The following TSPEAR variants were observed in gnomAD, a reference collection of about 807,000 sequenced individuals.
TSPEAR encodes thrombospondin-type laminin G domain and EAR repeat-containing protein.
In TSPEAR, 69 loss-of-function variants were observed where a neutral mutation model predicts 71.6. The observed-to-expected ratio is 0.96, with a 90% confidence interval of 0.79 to 1.18. The LOEUF (loss-of-function observed/expected upper bound fraction) is 1.18, where lower values mean the gene tolerates loss of function less well. Ranked by LOEUF, TSPEAR falls within the 50% of genes most tolerant of loss-of-function variation. The probability of loss-of-function intolerance (pLI) is 0.00; values close to 1 mark genes in which losing one functional copy is unlikely to be tolerated. For synonymous variants in TSPEAR, 402 were observed against 387.2 expected (o/e 1.04, Z -0.45); for missense variants, 971 against 894.9 (o/e 1.09, Z -1.09).
chr21:44,653,804 A>G (rs1055129799), intron 1 of TSPEAR, among the ~76,000 whole-genome samples: 4 of 152,212 alleles, frequency 2.6e-5, no homozygotes, highest in Non-Finnish European at 5.9e-5. Flanking sequence ...GGTTCCCATC[A>G]GGCCAAGCTC....
At chr21:44,674,877 A>T (rs1253443176) in intron 1 of TSPEAR, among the ~76,000 whole-genome samples, 1 of 137,094 alleles carries the variant, frequency 7.3e-6, no homozygotes, top group Non-Finnish European at 1.7e-5. Flanking sequence ...GATTGAATTA[A>T]AAAAAAAAAG....
chr21:44,601,693 G>T, intron 1 of TSPEAR: 1 of 1,612,152 alleles, frequency 6.2e-7, no homozygotes, highest in Non-Finnish European at 8.5e-7. Context: ...CTCCCGCCCG[G>T]CCTGCTGTGG....
chr21:44,601,220 G>A (rs1555928661), intron 1 of TSPEAR: 6 of 1,603,120 alleles, frequency 3.7e-6, no homozygotes, highest in South Asian at 1.1e-5. Context: ...CAATCAGGCT[G>A]CATCAGCTCC....
chr21:44,529,904 C>A lies in TSPEAR; in HGVS notation c.684G>T (p.Arg228Ser), dbSNP rs1555915517. 1 of 1,612,160 alleles carries A rather than the reference C, an allele frequency of 6.2e-7. No homozygotes were observed. Among genetic ancestry groups the A allele is most frequent in the South Asian group, 1.1e-5 (1 of 91,046 alleles). The change falls in exon 5 of 12, where the codon AGG becomes AGT. Residue 228 changes from arginine (R) to serine (S), a missense_variant. Physicochemically the swap from Arg to Ser is moderately radical, Grantham distance 110. Transcript: ENST00000323084. ...GCGGGGCGTTCCTGCTGGGACACAGCCTTGGGGTGGCGTCTGAGCCCGGCA... is the reference window on the plus strand; with the variant it reads ...GCGGGGCGTTCCTGCTGGGACACAGACTTGGGGTGGCGTCTGAGCCCGGCA... ...VLLPGSDATP[R>S]LCPSRNAPLA... is the part of the protein sequence containing the mutation.
Position 44,621,211 on chromosome 21 carries a change from T to C in TSPEAR, c.83-53206A>G, listed in dbSNP as rs1178394687. Among the ~76,000 whole-genome samples the C allele has an allele frequency of 3.3e-5, 5 of 152,242 alleles. No individual in the cohort carries two copies. The East Asian group carries it at 5.8e-4, about 18-fold the overall frequency. ...ATTTTTCAAGTCCTCTATTTCCTTA[T>C]TGAATAAAAATTTAGTTCTGTTATT... On this transcript the variant is annotated intron_variant, in intron 1 of 11. Transcript: ENST00000323084.
At chr21:44,573,881 C>G in intron 1 of TSPEAR, 1 of 1,609,060 alleles carries the variant, frequency 6.2e-7, no homozygotes, top group Non-Finnish European at 8.5e-7. Context: ...AGCCCCCCTG[C>G]TGCGCCCCCA....
At chr21:44,521,214 T>C (rs1251497248) in intron 9 of TSPEAR, among the ~76,000 whole-genome samples, 3 of 152,194 alleles carry the variant, frequency 2.0e-5, no homozygotes, top group African/African-American at 7.2e-5. Flanking sequence ...TGGGCTCACA[T>C]AGAGGCTGAG....
chr21:44,695,024 C>A lies in TSPEAR; in HGVS notation c.82+16409G>T, dbSNP rs1356409263. Among the ~76,000 whole-genome samples the A allele has an allele frequency of 6.6e-6, 1 of 152,236 alleles. No individual in the cohort carries two copies. Among genetic ancestry groups the A allele is most frequent in the Non-Finnish European group, 1.5e-5 (1 of 68,036 alleles). On this transcript the variant is annotated intron_variant, in intron 1 of 11. Transcript: ENST00000323084. The surrounding 1 kb of genome is among the most constrained non-coding windows in gnomAD (Gnocchi z 4.5). ...TTTGCCCCAACCCTCCAGGCCTCTG[C>A]CACAGGCTGGAGGAGCTGCTTGATG... is the stretch of plus-strand genomic sequence containing the variant.
chr21:44,579,213 C>G (rs2146097607), intron 1 of TSPEAR, among the ~76,000 whole-genome samples: 1 of 152,244 alleles, frequency 6.6e-6, no homozygotes, highest in African/African-American at 2.4e-5. Flanking sequence ...GCCTGGAGAG[C>G]CCCACAGCCC....
At chr21:44,526,858 C>A (rs2052866198) in intron 7 of TSPEAR, among the ~76,000 whole-genome samples, 1 of 152,238 alleles carries the variant, frequency 6.6e-6, no homozygotes, top group African/African-American at 2.4e-5. Context: ...CGAGGTCCCA[C>A]CCATGGCTCC....
chr21:44,705,501 A>C (rs562697545), intron 1 of TSPEAR, among the ~76,000 whole-genome samples: 18 of 152,380 alleles, frequency 1.2e-4, no homozygotes, highest in African/African-American at 3.1e-4. Flanking sequence ...ATATCGCTGA[A>C]TTCTTTTTCT....
chr21:44,611,686 G>A (rs1038367468), intron 1 of TSPEAR, among the ~76,000 whole-genome samples: 8 of 151,962 alleles, frequency 5.3e-5, no homozygotes, highest in Non-Finnish European at 1.2e-4. Flanking sequence ...AACATCTGCT[G>A]GTAAAAAAAC....
intron 2 of TSPEAR, among the ~76,000 whole-genome samples, chr21:44,564,496 G>A (rs1190660000): frequency 2.0e-5 from 3 of 151,982 alleles, no homozygotes; most frequent in Non-Finnish European, 2.9e-5. Context: ...ACTGCTGTCC[G>A]ATAAAATAAA....
intron 1 of TSPEAR, among the ~76,000 whole-genome samples, chr21:44,607,134 G>A (rs1555929977): frequency 6.6e-6 from 1 of 152,170 alleles, no homozygotes; most frequent in African/African-American, 2.4e-5. Context: ...CCAGACTGGA[G>A]TGCAGTGGCA....
At chr21:44,514,312 C>T (rs376206163) in intron 9 of TSPEAR, among the ~76,000 whole-genome samples, 23 of 152,340 alleles carry the variant, frequency 1.5e-4, no homozygotes, top group African/African-American at 5.5e-4. Context: ...GAGTGGCCCC[C>T]ACTGTATCCT....
chr21:44,548,198 C>T (rs1258033074), intron 2 of TSPEAR, among the ~76,000 whole-genome samples: 1 of 152,236 alleles, frequency 6.6e-6, no homozygotes, highest in Non-Finnish European at 1.5e-5. Context: ...GACAACTGCA[C>T]TGCCTTGCAA....
chr21:44,551,316 G>C, intron 2 of TSPEAR: 1 of 1,613,330 alleles, frequency 6.2e-7, no homozygotes, highest in Middle Eastern at 1.8e-4. Context: ...GCTCACTGGG[G>C]TGCAGACCAG....
At chr21:44,573,640 C>T in intron 1 of TSPEAR, 2 of 1,511,398 alleles carry the variant, frequency 1.3e-6, no homozygotes, top group Non-Finnish European at 1.8e-6. Context: ...AGCCTCCTGT[C>T]TGGACAACAT....
chr21:44,522,176 C>T (rs587596608), intron 8 of TSPEAR, 64 bp from the exon 9 acceptor site: 23 of 1,512,706 alleles, frequency 1.5e-5, no homozygotes, highest in Middle Eastern at 1.7e-4. Flanking sequence ...GCAGCCCCGA[C>T]GGAGGCAGAG....
Sources: gnomAD v4.1 joint callset for allele counts (sites outside exome capture counted in the v4.1 genomes callset) on GRCh38, gnomAD v4.1.1 for gene constraint, Gnocchi (gnomAD v3.1) non-coding constraint, MANE v1.5 for transcripts, NCBI Gene and HGNC (gene_info 2026-07-23, HGNC 2026-07-21) for gene names.